Variants in BACH2 observed in about 807,000 individuals in gnomAD.
BACH2 encodes transcription regulator protein BACH2.
Under a neutral mutation model 61.8 loss-of-function variants are expected in BACH2, and 5 were observed. The observed-to-expected ratio is 0.08, with a 90% CI of 0.04 to 0.17. The LOEUF (loss-of-function observed/expected upper bound fraction) is 0.17, where lower values mean the gene tolerates loss of function less well. BACH2 is among the 10% of genes least tolerant of loss of function. The probability of loss-of-function intolerance (pLI) is 1.00; values close to 1 mark genes in which losing one functional copy is unlikely to be tolerated. For synonymous variants in BACH2, 446 were observed against 440.1 expected (o/e 1.01, Z -0.17); for missense variants, 824 against 1,091.1 (o/e 0.76, Z 3.45).
rs1351596447 is a variant in BACH2, at chr6:89,951,619, C to T, written c.487G>A (p.Glu163Lys). 1.9e-6 allele frequency: 3 copies of T among 1,614,074 alleles called. No individual in the cohort carries two copies. In the Admixed American group the frequency reaches 5.0e-5, roughly 27 times the overall value. Residue 163 changes from glutamate to lysine, a missense_variant, in exon 7 of 9, where the codon GAG becomes AAG. This residue lies in a region of BACH2 where 107 missense variants were observed against 121.7 expected (regional missense o/e 0.88). Coordinates refer to ENST00000257749, the MANE Select transcript of BACH2 (RefSeq NM_021813.4). The surrounding 1 kb of genome is among the most constrained non-coding windows in gnomAD (Gnocchi z 6.4). ...ATCGTCTCCTCCTCTTCATCCTCCT[C>T]CTCTCCTGCAGAGTTCTCGCAGTCC... is the stretch of plus-strand genomic sequence containing the variant. ...HEDCENSAGE[E>K]EDEEEETMDS...
intron 4 of BACH2, among the ~76,000 whole-genome samples, chr6:90,181,224 G>A (rs1768151089): frequency 6.6e-6 from 1 of 152,106 alleles, no homozygotes; most frequent in African/African-American, 2.4e-5. Flanking sequence ...CTGGGGTAAG[G>A]TGGTATGTTG....
intron 5 of BACH2, among the ~76,000 whole-genome samples, chr6:90,075,212 T>C (rs1372079750): frequency 1.3e-5 from 2 of 152,198 alleles, no homozygotes; most frequent in East Asian, 3.8e-4. Flanking sequence ...GGAAAGATTT[T>C]AGTGAGTTTA....
intron 6 of BACH2, among the ~76,000 whole-genome samples, chr6:89,974,511 C>T (rs1775543278): frequency 1.3e-5 from 2 of 152,090 alleles, no homozygotes; most frequent in Admixed American, 6.5e-5. Context: ...TTTACGATTC[C>T]CCATATATCA....
intron 6 of BACH2, among the ~76,000 whole-genome samples, chr6:89,974,782 A>G (rs939807870): frequency 6.6e-6 from 1 of 152,254 alleles, no homozygotes; most frequent in Non-Finnish European, 1.5e-5. Context: ...CCCTTAAAAG[A>G]GCTCAATGCA....
chr6:90,014,438 GTGTATATATATA>G (rs1228027090), intron 5 of BACH2, among the ~76,000 whole-genome samples: 6 of 73,172 alleles, frequency 8.2e-5, no homozygotes, highest in East Asian at 7.7e-4. Flanking sequence ...GTGTGTGTGT[GTGTATATATATA>G]TATATATATA....
At chr6:89,977,639 T>C (rs967741136) in intron 6 of BACH2, among the ~76,000 whole-genome samples, 1 of 152,216 alleles carries the variant, frequency 6.6e-6, no homozygotes, top group East Asian at 1.9e-4. Flanking sequence ...ATTATTTAAT[T>C]TAAACCTTAG....
In BACH2 at chr6:90,176,761, C is replaced by T. The variant is rs1158299058; in HGVS notation, c.-162+29808G>A. On this transcript the variant is annotated intron_variant, in intron 4 of 8. Transcript: ENST00000257749. ...ACCAGATGCAATGCCCTCATTATGT[C>T]TTACCAGCCCTCCTGCTCCTGCCTC... Among the ~76,000 whole-genome samples the T allele has an allele frequency of 3.3e-5, 5 of 152,268 alleles. No individual in the cohort carries two copies. In the South Asian group the frequency reaches 8.3e-4, roughly 25 times the overall value.
intron 5 of BACH2, among the ~76,000 whole-genome samples, chr6:90,056,549 A>C (rs1780363614): frequency 6.6e-6 from 1 of 152,078 alleles, no homozygotes; most frequent in Non-Finnish European, 1.5e-5. Flanking sequence ...CACTGTCAAC[A>C]TCAGACAGAT....
chr6:90,004,212 C>T (rs1273983886), intron 6 of BACH2, among the ~76,000 whole-genome samples: 1 of 152,168 alleles, frequency 6.6e-6, no homozygotes, highest in African/African-American at 2.4e-5. Flanking sequence ...TAAGACTTAA[C>T]AACAAATGCC....
At chr6:90,259,059 C>T (rs920615864) in intron 2 of BACH2, among the ~76,000 whole-genome samples, 1 of 152,082 alleles carries the variant, frequency 6.6e-6, no homozygotes, top group African/African-American at 2.4e-5. Context: ...CCTTTAATTT[C>T]TTTTCCTTAT....
intron 5 of BACH2, among the ~76,000 whole-genome samples, chr6:90,020,776 C>T (rs1359936250): frequency 6.6e-6 from 1 of 152,048 alleles, no homozygotes; most frequent in Non-Finnish European, 1.5e-5. Flanking sequence ...TATTAAACAA[C>T]ATTCCCCTCC....
chr6:90,263,598 T>A lies in BACH2; in HGVS notation c.-353+8251A>T, dbSNP rs543236763. On this transcript the variant is annotated intron_variant, in intron 2 of 8. Transcript: ENST00000257749. ...ATCCACTTAACTTTGTTCCTGCTGTTCAGCCTTTATAAGAGTAGCATTTTT... is the reference window on the plus strand; with the variant it reads ...ATCCACTTAACTTTGTTCCTGCTGTACAGCCTTTATAAGAGTAGCATTTTT... 4.6e-5 allele frequency among the ~76,000 whole-genome samples: 7 copies of A among 152,336 alleles called. No homozygotes were observed. The South Asian group carries it at 1.5e-3, about 32-fold the overall frequency.
intron 5 of BACH2, among the ~76,000 whole-genome samples, chr6:90,014,198 G>T (rs1777889044): frequency 6.6e-6 from 1 of 150,948 alleles, no homozygotes; most frequent in Admixed American, 6.6e-5. Context: ...AGTTTTTCTG[G>T]CCTGGTTTTA....
intron 7 of BACH2, among the ~76,000 whole-genome samples, chr6:89,946,739 G>A (rs1465007826): frequency 6.6e-6 from 1 of 152,072 alleles, no homozygotes; most frequent in Non-Finnish European, 1.5e-5. Flanking sequence ...CCCATAGAGA[G>A]GTGAATATAT....
intron 4 of BACH2, among the ~76,000 whole-genome samples, chr6:90,157,370 T>C (rs939192594): frequency 1.3e-5 from 2 of 152,286 alleles, no homozygotes; most frequent in South Asian, 2.1e-4. Context: ...AGAAGTGAGA[T>C]TGGGTTGTTA....
At chr6:90,207,134 T>C (rs953732757) in intron 3 of BACH2, among the ~76,000 whole-genome samples, 6 of 152,152 alleles carry the variant, frequency 3.9e-5, no homozygotes, top group Non-Finnish European at 8.8e-5. Context: ...TTTTTGTTTT[T>C]TTGGCATAGA....
At chr6:90,159,364 A>C (rs1785109950) in intron 4 of BACH2, among the ~76,000 whole-genome samples, 1 of 152,252 alleles carries the variant, frequency 6.6e-6, no homozygotes, top group African/African-American at 2.4e-5. Context: ...TTCAGAAAGA[A>C]AGGGAAAAGA....
intron 2 of BACH2, among the ~76,000 whole-genome samples, chr6:90,262,967 T>C (rs1771212558): frequency 6.6e-6 from 1 of 152,238 alleles, no homozygotes; most frequent in African/African-American, 2.4e-5. Context: ...TAAATGCTTT[T>C]TAAAATTCAC....
intron 5 of BACH2, among the ~76,000 whole-genome samples, chr6:90,027,953 A>T (rs555887976): frequency 6.6e-6 from 1 of 152,338 alleles, no homozygotes; most frequent in South Asian, 2.1e-4. Flanking sequence ...TCTGGACTGC[A>T]TGAAGAATAA....
Sources: allele counts gnomAD v4.1 joint callset (sites outside exome capture counted in the v4.1 genomes callset), GRCh38; gene constraint gnomAD v4.1.1; regional missense constraint gnomAD v4.1.1; non-coding constraint Gnocchi (gnomAD v3.1); transcripts MANE v1.5; gene names NCBI Gene and HGNC (gene_info 2026-07-23, HGNC 2026-07-21).